The following FHL2 variants were observed in gnomAD, a reference collection of about 807,000 sequenced individuals.
FHL2 encodes the protein four and a half LIM domains 2, also known as four and a half LIM domains protein 2.
In FHL2, 20 loss-of-function variants were observed where a neutral mutation model predicts 32.7. The ratio of observed to expected loss-of-function variants is 0.61; its 90% confidence interval spans 0.43 to 0.89. The LOEUF is 0.89. Among genes scored for constraint, FHL2 ranks in the 40% least tolerant of loss-of-function variants. The probability of loss-of-function intolerance (pLI) is 0.00; values close to 1 mark genes in which losing one functional copy is unlikely to be tolerated. For synonymous variants in FHL2, 123 were observed against 128.1 expected (o/e 0.96, Z 0.27); for missense variants, 311 against 358.6 (o/e 0.87, Z 1.07).
Position 105,378,158 on chromosome 2 carries a change from G to C in FHL2, c.157-4425C>G, listed in dbSNP as rs367786043. On this transcript the variant is annotated intron_variant, in intron 3 of 6. Coordinates refer to ENST00000530340, the MANE Select transcript of FHL2 (RefSeq NM_001318895.3). ...AAAGCTGGCTAAGACATGCACATGGGTCCAAGGCACTGCAGAATTCCATTT... is the reference window on the plus strand; with the variant it reads ...AAAGCTGGCTAAGACATGCACATGGCTCCAAGGCACTGCAGAATTCCATTT... 1.7e-3 allele frequency: 783 copies of C among 471,154 alleles called. 15 individuals are homozygous for C. Among genetic ancestry groups the C allele is most frequent in the South Asian group, 0.012 (762 of 64,554 alleles). 29.2% of individuals were successfully genotyped at this position (471,154 alleles called of 1,614,324 possible). A position where few individuals can be genotyped will look rare whatever the true frequency, so the allele number is the denominator to read the frequency against.
chr2:105,407,601 C>T (rs1403853645), intron 1 of FHL2, among the ~76,000 whole-genome samples: 1 of 151,908 alleles, frequency 6.6e-6, no homozygotes, highest in African/African-American at 2.4e-5. Flanking sequence ...CAGATATCAG[C>T]AGATGCAAAC....
At chr2:105,378,025 A>C in intron 3 of FHL2, 1 of 467,314 alleles carries the variant, frequency 2.1e-6, no homozygotes, top group South Asian at 1.6e-5. Context: ...AGAAATCTCC[A>C]AGGTCAACAG....
chr2:105,404,072 G>C (rs972914406), upstream of FHL2, among the ~76,000 whole-genome samples: 7 of 152,204 alleles, frequency 4.6e-5, no homozygotes, highest in African/African-American at 1.7e-4. Context: ...CCGGATGGGG[G>C]CTACCCCAGG....
intron 2 of FHL2, among the ~76,000 whole-genome samples, chr2:105,394,558 T>A (rs2104617829): frequency 7.1e-6 from 1 of 141,282 alleles, no homozygotes; most frequent in African/African-American, 2.7e-5. Context: ...CACTCCAGCC[T>A]GAGCAACAGA....
At chr2:105,418,202 C>T (rs1009835053) in intron 1 of FHL2, among the ~76,000 whole-genome samples, 5 of 151,990 alleles carry the variant, frequency 3.3e-5, no homozygotes, top group African/African-American at 1.2e-4. Flanking sequence ...TTTGACTCTG[C>T]GAATGGCCAC....
At chr2:105,361,928 G>A (rs563121353) in intron 6 of FHL2, among the ~76,000 whole-genome samples, 4 of 152,212 alleles carry the variant, frequency 2.6e-5, no homozygotes, top group South Asian at 2.1e-4. Flanking sequence ...GGATATTGTC[G>A]CAGTGGGAAG....
chr2:105,403,238 G>T (rs1295112010), upstream of FHL2, among the ~76,000 whole-genome samples: 1 of 152,224 alleles, frequency 6.6e-6, no homozygotes, highest in African/African-American at 2.4e-5. Flanking sequence ...CCCACCAGAA[G>T]AAGAATTAAG....
At chr2:105,386,195 C>G in intron 3 of FHL2, 166 bp downstream of exon 3, 1 of 658,554 alleles carries the variant, frequency 1.5e-6, no homozygotes, top group Non-Finnish European at 2.5e-6. Flanking sequence ...AGATCACATT[C>G]GCTAGAGGGA....
chr2:105,373,492 G>A (rs2104532121), intron 4 of FHL2, 67 bp downstream of exon 4: 3 of 1,558,822 alleles, frequency 1.9e-6, no homozygotes, highest in East Asian at 2.2e-5. Context: ...TGAACAGGGG[G>A]TCAGAGGAAC....
intron 1 of FHL2, among the ~76,000 whole-genome samples, chr2:105,405,438 T>C (rs947873026): frequency 1.3e-5 from 2 of 152,118 alleles, no homozygotes; most frequent in African/African-American, 4.8e-5. Flanking sequence ...TGAGACAGAG[T>C]CTTACTCTGT....
upstream of FHL2, chr2:105,399,647 C>T: frequency 6.7e-7 from 1 of 1,491,590 alleles, no homozygotes; most frequent in Non-Finnish European, 8.9e-7. Context: ...GGATTCCCCT[C>T]CAGGGCGGGA....
At chr2:105,371,546 A>ATCTCTCTCTCTCTCTCTCTC (rs10701119) in intron 4 of FHL2, among the ~76,000 whole-genome samples, 3 of 140,970 alleles carry the variant, frequency 2.1e-5, no homozygotes, top group South Asian at 2.4e-4. Flanking sequence ...ATCCCTTGAA[A>ATCTCTCTCTCTCTCTCTCTC]TCTCTCTCTC....
intron 4 of FHL2, 105 bp from the exon 5 acceptor site, chr2:105,367,844 G>GCAAGC: frequency 8.6e-7 from 1 of 1,166,050 alleles, no homozygotes; most frequent in Non-Finnish European, 1.2e-6. Context: ...TATGACCAGA[G>GCAAGC]CAAGCCACTT....
chr2:105,399,585 G>C, upstream of FHL2: 1 of 1,535,204 alleles, frequency 6.5e-7, no homozygotes, highest in South Asian at 1.2e-5. Flanking sequence ...ACTAAAGGAA[G>C]GTCCTATCCC....
upstream of FHL2, chr2:105,399,359 A>T (rs1683373469): frequency 2.0e-6 from 3 of 1,535,952 alleles, no homozygotes; most frequent in East Asian, 7.3e-5. Context: ...GGGTCTGCCC[A>T]CGCCGGGATC....
chr2:105,376,607 C>T (rs1215715003), intron 3 of FHL2: 1 of 152,158 alleles, frequency 6.6e-6, no homozygotes, highest in Non-Finnish European at 1.5e-5. Context: ...GTGGAAAACA[C>T]CATGGCTGAT....
intron 3 of FHL2, among the ~76,000 whole-genome samples, chr2:105,377,129 T>G (rs183479632): frequency 7.2e-5 from 11 of 152,306 alleles, no homozygotes; most frequent in Admixed American, 5.2e-4. Flanking sequence ...AAGATATACA[T>G]AACTCCCACA....
chr2:105,386,477 G>C lies in FHL2; in HGVS notation c.40C>G (p.Leu14Val). 1 of 1,614,236 alleles carries C rather than the reference G, an allele frequency of 6.2e-7. No individual in the cohort carries two copies. Among genetic ancestry groups the C allele is most frequent in the South Asian group, 1.1e-5 (1 of 91,088 alleles). Residue 14 changes from leucine (L) to valine (V), a missense_variant, in exon 3 of 7, where the codon CTC (leucine) becomes GTC (valine). By Grantham distance (32) the Leu-to-Val change is conservative (BLOSUM62 1). Transcript: ENST00000530340. Reference sequence around the variant, plus strand: ...CGCAGGATGTACTTCTTGCCAAAGAGAGATTCGTTGCAATGGTGGCAGTCA... The same window carrying C: ...CGCAGGATGTACTTCTTGCCAAAGACAGATTCGTTGCAATGGTGGCAGTCA... ...RFDCHHCNESLFGKKYILREE... is the reference protein window; with the variant it reads ...RFDCHHCNESVFGKKYILREE...
chr2:105,361,460 G>T, intron 6 of FHL2, 26 bp from the exon 7 acceptor site: 1 of 1,599,202 alleles, frequency 6.3e-7, no homozygotes, highest in South Asian at 1.1e-5. Flanking sequence ...AAATAATACC[G>T]GATGAAGAAA....
Sources: allele counts gnomAD v4.1 joint callset (sites outside exome capture counted in the v4.1 genomes callset), GRCh38; gene constraint gnomAD v4.1.1; transcripts MANE v1.5; gene names NCBI Gene and HGNC (gene_info 2026-07-23, HGNC 2026-07-21).